CHST10: variants seen among roughly 807,000 people sequenced by gnomAD.
CHST10 encodes the protein HNK-1 sulfotransferase.
A neutral mutation model predicts 34.7 loss-of-function variants in CHST10; 24 were observed. The ratio of observed to expected loss-of-function variants is 0.69; its 90% CI spans 0.50 to 0.97. The LOEUF (loss-of-function observed/expected upper bound fraction) is 0.97. Ranked by LOEUF, CHST10 falls within the 50% of genes least tolerant of loss-of-function variation. The pLI, the probability that CHST10 is intolerant of heterozygous loss-of-function variation, is 0.00. For missense variants in CHST10, 402 were observed against 452.1 expected (o/e 0.89, Z 1.00); for synonymous variants, 161 against 169.3 (o/e 0.95, Z 0.38).
Position 100,398,111 on chromosome 2 carries a change from A to T in CHST10, c.224T>A (p.Leu75His), listed in dbSNP as rs781030834. ...PTGKELPDSQ[L>H]VQPLVYMERL... ...CTCCATGTAGACCAGGGGCTGAACG[A>T]GCTGGCTGTCTGGAAGCTCCTTCCC... is the stretch of plus-strand genomic sequence containing the variant. The change falls in exon 5 of 7, where the codon CTC becomes CAC. Residue 75 changes from leucine to histidine, a missense_variant. By Grantham distance (99) the Leu-to-His change is moderately conservative. Transcript: ENST00000264249. 123 of 1,613,382 alleles carry T rather than the reference A, an allele frequency of 7.6e-5. No homozygotes were observed. Among genetic ancestry groups the T allele is most frequent in the Non-Finnish European group, 1.0e-4 (118 of 1,179,738 alleles).
intron 1 of CHST10, among the ~76,000 whole-genome samples, chr2:100,416,041 T>C (rs975453896): frequency 1.3e-5 from 2 of 152,244 alleles, no homozygotes; most frequent in Non-Finnish European, 2.9e-5. Flanking sequence ...AGTATAGTCT[T>C]ATGGGACCAC....
At chr2:100,409,293 C>T (rs1446779533) in intron 2 of CHST10, among the ~76,000 whole-genome samples, 3 of 152,176 alleles carry the variant, frequency 2.0e-5, no homozygotes, top group African/African-American at 7.2e-5. Context: ...AGCTCATCTG[C>T]AGGTAAAGTG....
At chr2:100,399,623 T>G (rs1170487969) in intron 4 of CHST10, among the ~76,000 whole-genome samples, 2 of 152,190 alleles carry the variant, frequency 1.3e-5, no homozygotes, top group African/African-American at 4.8e-5. Flanking sequence ...TAGAACACAC[T>G]AGAACCGGGA....
chr2:100,414,279 T>C (rs565451953), intron 2 of CHST10, among the ~76,000 whole-genome samples: 27 of 152,158 alleles, frequency 1.8e-4, no homozygotes, highest in African/African-American at 6.0e-4. Flanking sequence ...GGCCCTTTAC[T>C]GACAACCTCA....
intron 6 of CHST10, among the ~76,000 whole-genome samples, 181 bp downstream of exon 6, chr2:100,395,328 T>C (rs942402087): frequency 3.3e-5 from 5 of 152,178 alleles, no homozygotes; most frequent in African/African-American, 1.2e-4. Context: ...CAGAAGGAAC[T>C]GAGAGTTTTG....
At chr2:100,412,048 G>T (rs140031922) in intron 2 of CHST10, among the ~76,000 whole-genome samples, 3 of 152,312 alleles carry the variant, frequency 2.0e-5, no homozygotes, top group African/African-American at 4.8e-5. Flanking sequence ...GGGAGCCCCT[G>T]AAGAGAGTTT....
chr2:100,411,967 G>C (rs1206130846), intron 2 of CHST10, among the ~76,000 whole-genome samples: 1 of 152,254 alleles, frequency 6.6e-6, no homozygotes, highest in African/African-American at 2.4e-5. Flanking sequence ...CTGGGGCACA[G>C]GCTGAGGCAG....
intron 3 of CHST10, among the ~76,000 whole-genome samples, chr2:100,402,924 A>G (rs1260138059): frequency 2.0e-5 from 3 of 152,262 alleles, no homozygotes; most frequent in Admixed American, 6.5e-5. Flanking sequence ...AATGTGAAAC[A>G]TAAAACCATC....
chr2:100,393,421 T>C lies in CHST10; in HGVS notation c.895A>G (p.Ile299Val), dbSNP rs1317940951. The C allele has an allele frequency of 1.9e-6, 3 of 1,614,014 alleles. No individual in the cohort carries two copies. Among genetic ancestry groups the C allele is most frequent in the Non-Finnish European group, 2.5e-6 (3 of 1,180,044 alleles). Reference protein sequence around the residue: ...DAPYILKEAGIDHLVSYPTIP... With the variant: ...DAPYILKEAGVDHLVSYPTIP... ...GTCGGGTATGACACCAGGTGGTCAATGCCAGCCTCTTTTAAGATGTATGGG... is the reference window on the plus strand; with the variant it reads ...GTCGGGTATGACACCAGGTGGTCAACGCCAGCCTCTTTTAAGATGTATGGG... The change falls in exon 7 of 7, where the codon ATT becomes GTT. Residue 299 changes from isoleucine (I) to valine (V), a missense_variant. Ile to Val is a conservative substitution (Grantham distance 29). Transcript: ENST00000264249.
intron 1 of CHST10, chr2:100,416,688 A>AAACAAC (rs140248946): frequency 0.029 from 9,385 of 324,630 alleles, 415 homozygotes; most frequent in African/African-American, 0.13. Context: ...TTTTCAGACA[A>AAACAAC]AACAACAACA....
chr2:100,414,674 T>A (rs1326189231), intron 2 of CHST10, among the ~76,000 whole-genome samples: 1 of 152,228 alleles, frequency 6.6e-6, no homozygotes, highest in Non-Finnish European at 1.5e-5. Context: ...TTCTCTGTTG[T>A]CATCCTTACA....
chr2:100,393,942 A>C (rs78566958), intron 6 of CHST10, among the ~76,000 whole-genome samples, 160 bp from the exon 7 acceptor site: 3 of 152,146 alleles, frequency 2.0e-5, no homozygotes, highest in African/African-American at 7.2e-5. Context: ...ATCTACTCCA[A>C]GATCCTGTGG....
chr2:100,417,160 C>G (rs909687695), intron 1 of CHST10: 7 of 868,344 alleles, frequency 8.1e-6, no homozygotes, highest in Admixed American at 2.3e-5. Context: ...GTCACAGCAT[C>G]CCGCACAAGG....
In CHST10 at chr2:100,416,688, A is replaced by AAACAACAACAAC. The variant is rs140248946; in HGVS notation, c.-104+674_-104+685dup. 534 of 324,706 alleles carry AAACAACAACAAC rather than the reference A, an allele frequency of 1.6e-3. 4 individuals carry two copies. The highest frequency in any genetic ancestry group is 0.011 in the African/African-American group (491 of 45,996). 20.1% of individuals were successfully genotyped at this position (324,706 alleles called of 1,614,324 possible). A position where few individuals can be genotyped will look rare whatever the true frequency, so the allele number is the denominator to read the frequency against. On this transcript the variant is annotated intron_variant, in intron 1 of 6. Transcript: ENST00000264249. ...AGCCCCAGACTCTGGTTTTCAGACAAAACAACAACAACAACAACAACAACA... is the reference window on the plus strand; with the variant it reads ...AGCCCCAGACTCTGGTTTTCAGACAAAACAACAACAACAACAACAACAACAACAACAACAACA...
At chr2:100,399,579 C>T (rs1224144269) in intron 4 of CHST10, among the ~76,000 whole-genome samples, 2 of 152,158 alleles carry the variant, frequency 1.3e-5, no homozygotes, top group South Asian at 2.1e-4. Flanking sequence ...CAGGGGACAA[C>T]GTCAGTTAGA....
At chr2:100,416,993 G>A (rs1268224164) in intron 1 of CHST10, 3 of 1,304,134 alleles carry the variant, frequency 2.3e-6, no homozygotes. Context: ...TCGCACCGAA[G>A]CTGCACATGC....
Sources: gnomAD v4.1 joint callset for allele counts (sites outside exome capture counted in the v4.1 genomes callset) on GRCh38, gnomAD v4.1.1 for gene constraint, MANE v1.5 for transcripts, NCBI Gene and HGNC (gene_info 2026-07-23, HGNC 2026-07-21) for gene names.